The following MMP16 variants were observed in gnomAD, a reference collection of about 807,000 sequenced individuals.
MMP16 encodes matrix metallopeptidase 16, also known as matrix metalloproteinase-16.
MMP16 carries 12 observed loss-of-function variants against 67.8 expected under a neutral mutation model. The ratio of observed to expected loss-of-function variants is 0.18; its 90% CI spans 0.11 to 0.29. The LOEUF is 0.29. MMP16 is among the 10% of genes least tolerant of loss of function. MMP16 has a pLI of 1.00. For missense variants in MMP16, 475 were observed against 765.7 expected (o/e 0.62, Z 4.48); for synonymous variants, 249 against 255.9 (o/e 0.97, Z 0.26).
chr8:88,228,497 C>A (rs1192455625), intron 1 of MMP16, among the ~76,000 whole-genome samples: 1 of 151,828 alleles, frequency 6.6e-6, no homozygotes, highest in Non-Finnish European at 1.5e-5. Context: ...ATATATGTTA[C>A]CAATGACAAT....
intron 6 of MMP16, among the ~76,000 whole-genome samples, chr8:88,077,806 C>T (rs1042084173): frequency 1.3e-5 from 2 of 152,100 alleles, no homozygotes; most frequent in African/African-American, 4.8e-5. Flanking sequence ...ATGAAGGGGT[C>T]ACACAAACAT....
chr8:88,103,159 C>A (rs138974182), intron 6 of MMP16, among the ~76,000 whole-genome samples: 109 of 151,934 alleles, frequency 7.2e-4, no homozygotes, highest in African/African-American at 2.5e-3. Flanking sequence ...TACCTCCAGT[C>A]CTGGCTAACT....
chr8:88,272,539 A>G (rs536544356), intron 1 of MMP16, among the ~76,000 whole-genome samples: 94 of 152,254 alleles, frequency 6.2e-4, no homozygotes, highest in African/African-American at 2.2e-3. Context: ...AAAAAGTGAA[A>G]CTAAGAACGC....
intron 6 of MMP16, among the ~76,000 whole-genome samples, chr8:88,108,972 A>G (rs1420532841): frequency 6.6e-6 from 1 of 151,392 alleles, no homozygotes; most frequent in Non-Finnish European, 1.5e-5. Flanking sequence ...TAATTGAGAA[A>G]TGATTATGAA....
chr8:88,204,691 T>C (rs961896145), intron 1 of MMP16, among the ~76,000 whole-genome samples: 4 of 152,248 alleles, frequency 2.6e-5, no homozygotes, highest in Non-Finnish European at 5.9e-5. Flanking sequence ...ATTTTAAAAA[T>C]TAAGATGTAC....
At chr8:88,323,535 C>CA (rs987183377) in intron 1 of MMP16, among the ~76,000 whole-genome samples, 3 of 151,950 alleles carry the variant, frequency 2.0e-5, no homozygotes, top group African/African-American at 7.2e-5. Flanking sequence ...TTTTTTGTCA[C>CA]AAAAGAGTAA....
chr8:88,261,050 G>C (rs1224864787), intron 1 of MMP16, among the ~76,000 whole-genome samples: 4 of 152,150 alleles, frequency 2.6e-5, no homozygotes, highest in Admixed American at 2.6e-4. Flanking sequence ...AAAAGCAAGG[G>C]AATACATTGC....
chr8:88,043,058 T>G (rs1223790476), intron 9 of MMP16, among the ~76,000 whole-genome samples: 2 of 152,222 alleles, frequency 1.3e-5, no homozygotes, highest in Non-Finnish European at 2.9e-5. Flanking sequence ...TATTGAGGAC[T>G]TATTATGGAA....
At chr8:88,233,546 C>A (rs1329632231) in intron 1 of MMP16, among the ~76,000 whole-genome samples, 1 of 152,164 alleles carries the variant, frequency 6.6e-6, no homozygotes, top group Non-Finnish European at 1.5e-5. Flanking sequence ...TTTCATGATG[C>A]AAGTCTGATT....
At position 88,085,004 on chromosome 8, in the gene MMP16, T is replaced by C. The variant is rs182898889; in HGVS notation, c.1084-10261A>G. Among the ~76,000 whole-genome samples, 12 of 152,080 alleles carry C rather than the reference T, an allele frequency of 7.9e-5. No homozygotes were observed. The East Asian group carries it at 2.3e-3, about 29-fold the overall frequency. Reference sequence around the variant, plus strand: ...TTGTGGCATGTAACTAAGGGTAATATATGCTTCATTTGACTGTAACATATG... The same window carrying C: ...TTGTGGCATGTAACTAAGGGTAATACATGCTTCATTTGACTGTAACATATG... On this transcript the variant is annotated intron_variant, in intron 6 of 9. Coordinates refer to ENST00000286614, the MANE Select transcript of MMP16 (RefSeq NM_005941.5).
chr8:88,291,544 A>T (rs1810926297), intron 1 of MMP16, among the ~76,000 whole-genome samples: 1 of 152,208 alleles, frequency 6.6e-6, no homozygotes, highest in Non-Finnish European at 1.5e-5. Flanking sequence ...TGCTTTCACT[A>T]GAAGTTAAAA....
At chr8:88,245,621 C>T (rs948758797) in intron 1 of MMP16, among the ~76,000 whole-genome samples, 6 of 152,156 alleles carry the variant, frequency 3.9e-5, no homozygotes, top group Non-Finnish European at 7.3e-5. Flanking sequence ...AGATTATCAG[C>T]AGAGTCCCCT....
At chr8:88,192,372 CA>C (rs1380544180) in intron 2 of MMP16, among the ~76,000 whole-genome samples, 2 of 152,082 alleles carry the variant, frequency 1.3e-5, no homozygotes, top group Non-Finnish European at 2.9e-5. Context: ...TGAGCAAGAA[CA>C]AAACTGTATT....
chr8:88,258,922 CT>C (rs1426410300), intron 1 of MMP16, among the ~76,000 whole-genome samples: 4 of 152,292 alleles, frequency 2.6e-5, no homozygotes, highest in Admixed American at 2.6e-4. Context: ...GAGGTTTCAT[CT>C]TCCATTTACA....
chr8:88,242,955 G>A (rs1810055623), intron 1 of MMP16, among the ~76,000 whole-genome samples: 1 of 152,128 alleles, frequency 6.6e-6, no homozygotes, highest in Non-Finnish European at 1.5e-5. Context: ...AGGCTGACTA[G>A]ATAGGCATTT....
intron 7 of MMP16, among the ~76,000 whole-genome samples, chr8:88,067,881 T>C (rs969280807): frequency 1.3e-5 from 2 of 152,170 alleles, no homozygotes; most frequent in African/African-American, 4.8e-5. Flanking sequence ...TGAATATTCA[T>C]GTAGAGGTCT....
chr8:88,174,978 T>G (rs1808864037), intron 3 of MMP16, among the ~76,000 whole-genome samples: 2 of 152,106 alleles, frequency 1.3e-5, no homozygotes, highest in East Asian at 3.9e-4. Context: ...GGTCTCGAAC[T>G]CCTGACCTCA....
intron 6 of MMP16, among the ~76,000 whole-genome samples, chr8:88,094,450 GCTTT>G (rs1375568095): frequency 5.3e-5 from 8 of 151,574 alleles, no homozygotes; most frequent in African/African-American, 1.7e-4. Flanking sequence ...ATGGGCTATT[GCTTT>G]ATTTTTAAAA....
intron 1 of MMP16, among the ~76,000 whole-genome samples, chr8:88,253,336 G>C (rs1000355431): frequency 2.0e-5 from 3 of 152,032 alleles, no homozygotes; most frequent in African/African-American, 7.2e-5. Context: ...TCCTTCCAAA[G>C]AGTATAATAC....
Sources: gnomAD v4.1 joint callset for allele counts (sites outside exome capture counted in the v4.1 genomes callset) on GRCh38, gnomAD v4.1.1 for gene constraint, MANE v1.5 for transcripts, NCBI Gene and HGNC (gene_info 2026-07-23, HGNC 2026-07-21) for gene names.